PCNP: variants seen among roughly 807,000 people sequenced by gnomAD.
The protein encoded by PCNP is PEST proteolytic signal-containing nuclear protein.
In PCNP, 6 loss-of-function variants were observed where a neutral mutation model predicts 21.8. That is an observed-to-expected ratio of 0.28 (90% CI 0.15 to 0.54). The LOEUF (loss-of-function observed/expected upper bound fraction) is 0.54. Among genes scored for constraint, PCNP ranks in the 20% least tolerant of loss-of-function variants. PCNP has a pLI of 0.95. For synonymous variants in PCNP, 67 were observed against 73.2 expected, an observed-to-expected ratio of 0.92 and a Z score of 0.43; for missense variants, 161 against 215.5, an observed-to-expected ratio of 0.75 and a Z score of 1.58.
In PCNP at chr3:101,579,847, G is replaced by T; in HGVS notation, c.122G>T (p.Gly41Val). Residue 41 changes from glycine to valine, a missense_variant, in exon 2 of 5, where the codon GGA becomes GTA. This residue lies in a region of PCNP where 46 missense variants were observed against 39.3 expected (regional missense o/e 1.17). Transcript: ENST00000265260. ...VKTKTVSSSN[G>V]GESSSRSAEK... Reference sequence around the variant, plus strand: ...ACTAAGACTGTTTCTTCCAGTAATGGAGGGGAAAGTTCCAGTCGCAGCGCT... The same window carrying T: ...ACTAAGACTGTTTCTTCCAGTAATGTAGGGGAAAGTTCCAGTCGCAGCGCT... 6.2e-7 allele frequency: 1 copy of T among 1,614,194 alleles called. No individual in the cohort carries two copies. Among genetic ancestry groups the T allele is most frequent in the Non-Finnish European group, 8.5e-7 (1 of 1,180,008 alleles).
chr3:101,574,350 G>C, intron 1 of PCNP, 71 bp downstream of exon 1: 1 of 1,467,686 alleles, frequency 6.8e-7, no homozygotes, highest in Non-Finnish European at 9.2e-7. Flanking sequence ...CAGGGTGGGG[G>C]GAGTGGGGTG....
At chr3:101,577,597 T>G (rs1266454449) in intron 1 of PCNP, among the ~76,000 whole-genome samples, 1 of 152,238 alleles carries the variant, frequency 6.6e-6, no homozygotes, top group African/African-American at 2.4e-5. Flanking sequence ...TGATCTCAGC[T>G]CACTGCAACC....
chr3:101,579,150 T>C (rs746038215), intron 1 of PCNP, among the ~76,000 whole-genome samples: 7 of 152,180 alleles, frequency 4.6e-5, no homozygotes, highest in Admixed American at 6.5e-5. Context: ...TAAATAGCTC[T>C]TATGGGTAGC....
chr3:101,579,472 A>C, intron 1 of PCNP: 1 of 475,038 alleles, frequency 2.1e-6, no homozygotes, highest in East Asian at 5.6e-5. Context: ...GATTTCTAAA[A>C]AGCAAAATCC....
intron 1 of PCNP, 144 bp downstream of exon 1, chr3:101,574,423 C>T: frequency 9.6e-7 from 1 of 1,041,736 alleles, no homozygotes; most frequent in Non-Finnish European, 1.3e-6. Context: ...CTGCCTCGGG[C>T]ACGCCCGATG....
chr3:101,592,758 T>A lies in PCNP; in HGVS notation c.*5T>A. 3 of 1,611,424 alleles carry A rather than the reference T, an allele frequency of 1.9e-6. No homozygotes were observed. Among genetic ancestry groups the A allele is most frequent in the Admixed American group, 1.7e-5 (1 of 59,678 alleles). ...GTCCATGACCAAGACAATTAAATGA[T>A]GTTTTGAAATTGGGGTGTGGGGTGG... is the stretch of plus-strand genomic sequence containing the variant. On this transcript the variant is annotated 3_prime_UTR_variant, in exon 5 of 5. Transcript: ENST00000265260.
At chr3:101,576,504 C>T (rs1309162403) in intron 1 of PCNP, 66 of 1,607,400 alleles carry the variant, frequency 4.1e-5, no homozygotes, top group Middle Eastern at 2.2e-4. Flanking sequence ...TCTTCTTGGA[C>T]ACACCCACGG....
intron 1 of PCNP, 140 bp downstream of exon 1, chr3:101,574,419 C>A: frequency 1.9e-6 from 2 of 1,063,564 alleles, no homozygotes; most frequent in Non-Finnish European, 2.6e-6. Flanking sequence ...AGACCTGCCT[C>A]GGGCACGCCC....
At chr3:101,576,524 G>A (rs1048569277) in intron 1 of PCNP, 40 of 1,610,002 alleles carry the variant, frequency 2.5e-5, no homozygotes, top group Non-Finnish European at 2.9e-5. Flanking sequence ...GTGCGGCCAC[G>A]GCGGCCAGTG....
intron 1 of PCNP, 103 bp downstream of exon 1, chr3:101,574,382 G>T (rs577729680): frequency 3.7e-4 from 512 of 1,370,620 alleles, no homozygotes; most frequent in Admixed American, 1.8e-3. Flanking sequence ...GGCGGATCTG[G>T]ACCTCACCCG....
chr3:101,574,212 GA>G lies in PCNP; in HGVS notation c.1del, dbSNP rs1447704755. 1.9e-6 allele frequency: 3 copies of G among 1,549,596 alleles called. No individual in the cohort carries two copies. Among genetic ancestry groups the G allele is most frequent in the Non-Finnish European group, 2.6e-6 (3 of 1,145,908 alleles). ...TGGCTGCAGGGGAGGCCGCGGCGGG[GA>G]AAATGGCGGACGGGAAGGCGGGAGA... On this transcript the variant is annotated 5_prime_UTR_variant, in exon 1 of 5. Transcript: ENST00000265260.
chr3:101,583,682 C>G (rs1935350148), intron 2 of PCNP, among the ~76,000 whole-genome samples: 1 of 152,060 alleles, frequency 6.6e-6, no homozygotes, highest in Admixed American at 6.6e-5. Context: ...GAGACTCACT[C>G]TGTCACCCAG....
chr3:101,577,220 G>A (rs1376101129), intron 1 of PCNP, among the ~76,000 whole-genome samples: 1 of 152,104 alleles, frequency 6.6e-6, no homozygotes, highest in African/African-American at 2.4e-5. Context: ...CCTCCCTTTG[G>A]TTAAATCTTT....
At chr3:101,578,868 C>T (rs934885824) in intron 1 of PCNP, among the ~76,000 whole-genome samples, 3 of 152,070 alleles carry the variant, frequency 2.0e-5, no homozygotes, top group African/African-American at 4.8e-5. Context: ...ATATGGTGAA[C>T]GGGCAAACTG....
intron 1 of PCNP, 147 bp downstream of exon 1, chr3:101,574,426 G>A (rs893403255): frequency 1.0e-6 from 1 of 976,848 alleles, no homozygotes; most frequent in Non-Finnish European, 1.4e-6. Flanking sequence ...CCTCGGGCAC[G>A]CCCGATGCGG....
intron 1 of PCNP, among the ~76,000 whole-genome samples, chr3:101,578,992 T>A (rs529239386): frequency 7.4e-4 from 113 of 152,346 alleles, no homozygotes; most frequent in African/African-American, 2.4e-3. Context: ...ACTAATTTCA[T>A]CATTGACTTC....
chr3:101,585,390 A>G (rs758142437), intron 2 of PCNP, 47 bp from the exon 3 acceptor site: 15 of 1,055,910 alleles, frequency 1.4e-5, no homozygotes, highest in Non-Finnish European at 2.0e-5. Flanking sequence ...ACAAGCTTGT[A>G]TAAATGTTAT....
chr3:101,592,853 TTTTC>T lies in PCNP; in HGVS notation c.*104_*107del, dbSNP rs1935885357. On this transcript the variant is annotated 3_prime_UTR_variant, in exon 5 of 5. Transcript: ENST00000265260. ...AAGACTATCTTTGGAGCCGCTTTTT[TTTTC>T]TTTTTCATTTTTTTAAAAGATTGAG... is the stretch of plus-strand genomic sequence containing the variant. The T allele has an allele frequency of 3.7e-6, 4 of 1,074,488 alleles. No individual in the cohort carries two copies. The East Asian group carries it at 1.1e-4, about 30-fold the overall frequency. The allele number at this position is 1,074,488 out of a possible 1,614,324, so 66.6% of individuals were successfully genotyped here.
intron 1 of PCNP, among the ~76,000 whole-genome samples, chr3:101,577,886 C>T (rs1935010274): frequency 6.6e-6 from 1 of 152,122 alleles, no homozygotes; most frequent in Non-Finnish European, 1.5e-5. Flanking sequence ...TCTCCAACTA[C>T]TCAATGAAAA....
Sources: allele counts gnomAD v4.1 joint callset (sites outside exome capture counted in the v4.1 genomes callset), GRCh38; gene constraint gnomAD v4.1.1; regional missense constraint gnomAD v4.1.1; transcripts MANE v1.5; gene names NCBI Gene and HGNC (gene_info 2026-07-23, HGNC 2026-07-21).